KCNB2: variants seen among roughly 807,000 people sequenced by gnomAD.
The protein encoded by KCNB2 is potassium voltage-gated channel subfamily B member 2.
A neutral mutation model predicts 61.5 loss-of-function variants in KCNB2; 15 were observed. That is an observed-to-expected ratio of 0.24 (90% CI 0.16 to 0.38). The LOEUF is 0.38. Ranked by LOEUF, KCNB2 falls within the 10% of genes least tolerant of loss-of-function variation. The probability of loss-of-function intolerance (pLI) is 1.00; values close to 1 mark genes in which losing one functional copy is unlikely to be tolerated. For synonymous variants in KCNB2, 457 were observed against 446.0 expected, an observed-to-expected ratio of 1.02 and a Z score of -0.31; for missense variants, 828 against 1,125.2, an observed-to-expected ratio of 0.74 and a Z score of 3.78.
chr8:72,790,530 G>A (rs115000827), intron 2 of KCNB2, among the ~76,000 whole-genome samples: 1 of 152,114 alleles, frequency 6.6e-6, no homozygotes, highest in African/African-American at 2.4e-5. Flanking sequence ...GATTATAGTG[G>A]GTAATGGGAG....
chr8:72,677,108 C>T (rs374869968), intron 2 of KCNB2, among the ~76,000 whole-genome samples: 21 of 151,634 alleles, frequency 1.4e-4, no homozygotes, highest in African/African-American at 4.6e-4. Context: ...TGGACACAGA[C>T]GTACACATGG....
chr8:72,912,489 C>CAT (rs5892374), intron 2 of KCNB2, among the ~76,000 whole-genome samples: 10,311 of 137,088 alleles, frequency 0.075, 333 homozygotes, highest in African/African-American at 0.084. Flanking sequence ...AGCTTTTATT[C>CAT]ATATATATAT....
intron 2 of KCNB2, among the ~76,000 whole-genome samples, chr8:72,583,085 A>G (rs1230198368): frequency 6.6e-6 from 1 of 152,210 alleles, no homozygotes. Flanking sequence ...CAGGATTTAG[A>G]TAAATATTAG....
In KCNB2 at chr8:72,692,029, G is replaced by A. The variant is rs538265802; in HGVS notation, c.579+123716G>A. The stretch of plus-strand genomic sequence containing the variant: ...AGGCAGGCAGATCACGAAGTCAGGA[G>A]ATCGAGACCATCCTGGCTAACACAG... On this transcript the variant is annotated intron_variant, in intron 2 of 2. Transcript: ENST00000523207. Among the ~76,000 whole-genome samples, 510 of 152,140 alleles carry A rather than the reference G, an allele frequency of 3.4e-3. 4 individuals are homozygous for A. Among genetic ancestry groups the A allele is most frequent in the African/African-American group, 0.01 (416 of 41,490 alleles).
chr8:72,761,327 T>C (rs1385974191), intron 2 of KCNB2, among the ~76,000 whole-genome samples: 1 of 152,178 alleles, frequency 6.6e-6, no homozygotes, highest in African/African-American at 2.4e-5. Flanking sequence ...CTGCTCCCTC[T>C]CTCTTCTAGT....
intron 2 of KCNB2, among the ~76,000 whole-genome samples, chr8:72,625,754 C>T (rs1018162498): frequency 2.6e-5 from 4 of 151,958 alleles, no homozygotes; most frequent in African/African-American, 7.3e-5. Context: ...TTTTCTGGTC[C>T]AAAGGAGGAA....
intron 2 of KCNB2, among the ~76,000 whole-genome samples, chr8:72,656,800 G>GT (rs1242022344): frequency 2.0e-5 from 3 of 151,950 alleles, no homozygotes; most frequent in Admixed American, 6.6e-5. Context: ...GTGGAACCTA[G>GT]TTTTTTTTCA....
Position 72,562,480 on chromosome 8 carries a change from A to C in KCNB2, c.-93-5162A>C, listed in dbSNP as rs543835618. Among the ~76,000 whole-genome samples the C allele has an allele frequency of 2.0e-5, 3 of 152,290 alleles. No individual in the cohort carries two copies. In the South Asian group the frequency reaches 6.2e-4, roughly 32 times the overall value. On this transcript the variant is annotated intron_variant, in intron 1 of 2. Coordinates refer to ENST00000523207, the MANE Select transcript of KCNB2 (RefSeq NM_004770.3). The stretch of plus-strand genomic sequence containing the variant: ...TTTTTTTTCTCTAGAAGACTAATGA[A>C]GGGATGGTGAGTACATTTGCACTGG...
At chr8:72,645,662 A>G (rs550455738) in intron 2 of KCNB2, among the ~76,000 whole-genome samples, 3 of 152,298 alleles carry the variant, frequency 2.0e-5, no homozygotes, top group South Asian at 2.1e-4. Context: ...GCTATCAGCT[A>G]AAGTGCCTGG....
At chr8:72,729,273 A>C (rs1807701923) in intron 2 of KCNB2, among the ~76,000 whole-genome samples, 1 of 152,174 alleles carries the variant, frequency 6.6e-6, no homozygotes, top group East Asian at 1.9e-4. Flanking sequence ...ATGCGCACCA[A>C]TACTATTCCA....
In KCNB2 at chr8:72,913,955, T is replaced by C. The variant is rs554819398; in HGVS notation, c.580-21980T>C. On this transcript the variant is annotated intron_variant, in intron 2 of 2. Coordinates refer to ENST00000523207, the MANE Select transcript of KCNB2 (RefSeq NM_004770.3). Reference sequence around the variant, plus strand: ...GGAGAAAGAGTTCAGAAAGGAGAAATGGGGAAAAGGATGTGTCTTAGTACA... The same window carrying C: ...GGAGAAAGAGTTCAGAAAGGAGAAACGGGGAAAAGGATGTGTCTTAGTACA... 3.9e-5 allele frequency among the ~76,000 whole-genome samples: 6 copies of C among 152,246 alleles called. No individual in the cohort carries two copies. The South Asian group carries it at 1.2e-3, about 32-fold the overall frequency.
At chr8:72,628,400 G>GGTGTGTGTGTGT (rs1160601490) in intron 2 of KCNB2, among the ~76,000 whole-genome samples, 1 of 47,340 alleles carries the variant, frequency 2.1e-5, no homozygotes. Flanking sequence ...CCTGTTAGGG[G>GGTGTGTGTGTGT]GTGTGTGTGT....
At chr8:72,606,666 A>G (rs2128982961) in intron 2 of KCNB2, among the ~76,000 whole-genome samples, 1 of 152,248 alleles carries the variant, frequency 6.6e-6, no homozygotes, top group South Asian at 2.1e-4. Flanking sequence ...GATTTACATG[A>G]AGGTCTGATA....
intron 2 of KCNB2, among the ~76,000 whole-genome samples, chr8:72,613,968 A>G (rs1249940716): frequency 3.9e-5 from 6 of 152,224 alleles, no homozygotes; most frequent in Non-Finnish European, 5.9e-5. Context: ...TGAGATAATG[A>G]CACCAACTCA....
intron 1 of KCNB2, among the ~76,000 whole-genome samples, chr8:72,557,429 G>A (rs1806446598): frequency 6.6e-6 from 1 of 152,010 alleles, no homozygotes; most frequent in African/African-American, 2.4e-5. Flanking sequence ...TTTAATTGGT[G>A]AAAATGCCAT....
chr8:72,754,970 C>G (rs1765712292), intron 2 of KCNB2, among the ~76,000 whole-genome samples: 1 of 152,048 alleles, frequency 6.6e-6, no homozygotes, highest in Non-Finnish European at 1.5e-5. Flanking sequence ...TGACACACAC[C>G]ACCTGAGCCA....
At chr8:72,758,892 A>G (rs1445978498) in intron 2 of KCNB2, among the ~76,000 whole-genome samples, 1 of 152,230 alleles carries the variant, frequency 6.6e-6, no homozygotes, top group Non-Finnish European at 1.5e-5. Context: ...CTGGTTTGAC[A>G]TTTACTTAAA....
At chr8:72,892,740 TA>T (rs1481868593) in intron 2 of KCNB2, among the ~76,000 whole-genome samples, 21 of 152,294 alleles carry the variant, frequency 1.4e-4, no homozygotes, top group African/African-American at 4.8e-4. Flanking sequence ...CTAAATTCCA[TA>T]CCTTAATTCT....
chr8:72,760,038 C>T (rs1023945936), intron 2 of KCNB2, among the ~76,000 whole-genome samples: 2 of 152,120 alleles, frequency 1.3e-5, no homozygotes, highest in Admixed American at 1.3e-4. Flanking sequence ...CATAGTCAAC[C>T]GAGATGCATG....
Sources: allele counts gnomAD v4.1 joint callset (sites outside exome capture counted in the v4.1 genomes callset), GRCh38; gene constraint gnomAD v4.1.1; transcripts MANE v1.5; gene names NCBI Gene and HGNC (gene_info 2026-07-23, HGNC 2026-07-21).